WDR90: variants seen among roughly 807,000 people sequenced by gnomAD.
WDR90 encodes WD repeat-containing protein 90.
WDR90 carries 238 observed loss-of-function variants against 195.2 expected under a neutral mutation model. The ratio of observed to expected loss-of-function variants is 1.22; its 90% CI spans 1.10 to 1.36. WDR90 has a LOEUF of 1.36. Among genes scored for constraint, WDR90 ranks in the 40% most tolerant of loss-of-function variants. The probability of loss-of-function intolerance (pLI) is 0.00; values close to 1 mark genes in which losing one functional copy is unlikely to be tolerated. For synonymous variants in WDR90, 1,265 were observed against 1,052.4 expected (o/e 1.20, Z -3.91); for missense variants, 2,734 against 2,439.5 (o/e 1.12, Z -2.54).
rs1379868076 is a variant in WDR90 at position 658,995 on chromosome 16, C to T, written c.2995C>T (p.Leu999=). The change falls in exon 24 of 41, where the codon CTG becomes TTG. Residue 999 remains leucine, a synonymous_variant. Transcript: ENST00000293879. ...AGDAVFLWDV[L]APTESDQSFP... is the part of the protein sequence containing the mutation. ...GGACGCCGTCTTCCTCTGGGATGTC[C>T]TGGCCCCTACTGAGAGGCAAGTGCC... is the stretch of plus-strand genomic sequence containing the variant. 1.9e-6 allele frequency: 3 copies of T among 1,613,004 alleles called. No homozygotes were observed. Among genetic ancestry groups the T allele is most frequent in the South Asian group, 1.1e-5 (1 of 91,086 alleles).
intron 13 of WDR90, chr16:654,602 G>A (rs113799427): frequency 0.012 from 2,039 of 164,064 alleles, 54 homozygotes; most frequent in African/African-American, 0.047. Flanking sequence ...TAGCCAGGAT[G>A]GTCTCACGTT....
Position 655,789 on chromosome 16 carries a change from C to T in WDR90, c.1866C>T (p.Ile622=). The change falls in exon 17 of 41, where the codon ATC becomes ATT. Residue 622 remains isoleucine, a synonymous_variant. Transcript: ENST00000293879. ...QTFSSGPGIA[I]SSLSVSPAMC... The stretch of plus-strand genomic sequence containing the variant: ...TGCCCCCAGGCCCCGGCATTGCCAT[C>T]AGCAGCCTCAGCGTCTCCCCGGCCA... 6.3e-7 allele frequency: 1 copy of T among 1,588,704 alleles called. No individual in the cohort carries two copies. The highest frequency in any genetic ancestry group is 1.1e-5 in the South Asian group (1 of 88,000).
rs752477686 is a variant in WDR90, at chr16:655,559, G to A, written c.1719-14G>A. The A allele has an allele frequency of 8.9e-6, 14 of 1,574,606 alleles. No homozygotes were observed. The South Asian group carries it at 9.3e-5, about 10-fold the overall frequency. ...CCCTGAGGGCCTCACCTTCCCTGCC[G>A]CCTCCTCGGGCAGCTTCGTGTGCAG... is the stretch of plus-strand genomic sequence containing the variant. On this transcript the variant is annotated splice_polypyrimidine_tract_variant and intron_variant, in intron 15 of 40. Coordinates refer to ENST00000293879, the MANE Select transcript of WDR90 (RefSeq NM_145294.5).
chr16:664,083 C>CT lies in WDR90; in HGVS notation c.4311+1243dup, dbSNP rs377150996. ...GTTTGAGACAGGTGAGGGTTGTTTA[C>CT]TTTTCTGGAAGCAGGTTTGCTGAGG... is the stretch of plus-strand genomic sequence containing the variant. On this transcript the variant is annotated intron_variant, in intron 34 of 40. Coordinates refer to ENST00000293879, the MANE Select transcript of WDR90 (RefSeq NM_145294.5). Among the ~76,000 whole-genome samples, 45 of 152,316 alleles carry CT rather than the reference C, an allele frequency of 3.0e-4. 3 individuals are homozygous for CT. The South Asian group carries it at 8.3e-3, about 28-fold the overall frequency.
intron 7 of WDR90, 118 bp downstream of exon 7, chr16:651,384 G>T: frequency 7.9e-7 from 1 of 1,273,004 alleles, no homozygotes; most frequent in Admixed American, 2.0e-5. Flanking sequence ...CTGGTGCAGG[G>T]ACCCAGGGAA....
At chr16:649,876 C>T in intron 2 of WDR90, 22 bp downstream of exon 2, 1 of 1,575,616 alleles carries the variant, frequency 6.3e-7, no homozygotes, top group East Asian at 2.3e-5. Flanking sequence ...GGGGCTCGCC[C>T]GGAGCCCACA....
Position 649,858 on chromosome 16 carries a change from G to A in WDR90, c.102+4G>A. On this transcript the variant is annotated splice_donor_region_variant and intron_variant, in intron 2 of 40. Transcript: ENST00000293879. The stretch of plus-strand genomic sequence containing the variant: ...GGGGGACGTGGCCGTGGTCACGGTA[G>A]GCGGCCGGGGGCTCGCCCGGAGCCC... 1 of 1,576,538 alleles carries A rather than the reference G, an allele frequency of 6.3e-7. No homozygotes were observed. Among genetic ancestry groups the A allele is most frequent in the Non-Finnish European group, 8.6e-7 (1 of 1,161,668 alleles).
rs1179254972 is a variant in WDR90, at chr16:657,742, C to T, written c.2474-20C>T. On this transcript the variant is annotated intron_variant, in intron 20 of 40. Transcript: ENST00000293879. ...CCCGGCACTCCCCACCCAGCTGACC[C>T]CTGCCCCGTGTGGCCACAGCGGACA... 6.5e-7 allele frequency: 1 copy of T among 1,537,976 alleles called. No individual in the cohort carries two copies. The highest frequency in any genetic ancestry group is 8.8e-7 in the Non-Finnish European group (1 of 1,141,414).
At chr16:660,787 G>C in intron 28 of WDR90, 73 bp downstream of exon 28, 1 of 1,456,888 alleles carries the variant, frequency 6.9e-7, no homozygotes, top group Non-Finnish European at 9.3e-7. Flanking sequence ...TCCACCCCAA[G>C]GCCAGGACCT....
intron 3 of WDR90, 25 bp from the exon 4 acceptor site, chr16:650,229 T>G: frequency 6.2e-7 from 1 of 1,611,578 alleles, no homozygotes; most frequent in Non-Finnish European, 8.5e-7. Context: ...CCCTGTCTCC[T>G]CACGGCCCTG....
In WDR90 at chr16:658,881, C is replaced by T. The variant is rs370138277; in HGVS notation, c.2896-15C>T. The T allele has an allele frequency of 3.2e-4, 510 of 1,610,078 alleles. No homozygotes were observed. Among genetic ancestry groups the T allele is most frequent in the Middle Eastern group, 5.1e-4 (3 of 5,896 alleles). On this transcript the variant is annotated splice_polypyrimidine_tract_variant and intron_variant, in intron 23 of 40. Coordinates refer to ENST00000293879, the MANE Select transcript of WDR90 (RefSeq NM_145294.5). ...CCCCGCCTCGGGGTCCTGCATGTGA[C>T]GCCGCTACCCCTAGGTGTACATCGG...
At chr16:650,778 C>G (rs978431282) in intron 5 of WDR90, 69 bp downstream of exon 5, 1 of 1,566,348 alleles carries the variant, frequency 6.4e-7, no homozygotes, top group African/African-American at 1.4e-5. Context: ...AGGCCCAAGT[C>G]CAGGGTGCTT....
At chr16:667,271 C>T (rs552375360) in intron 40 of WDR90, among the ~76,000 whole-genome samples, 161 bp from the exon 41 acceptor site, 1 of 152,318 alleles carries the variant, frequency 6.6e-6, no homozygotes, top group Admixed American at 6.5e-5. Context: ...GTGATGGACC[C>T]CCTAGTCCCA....
At chr16:651,124 C>T (rs375807529) in intron 6 of WDR90, 21 bp downstream of exon 6, 46 of 1,593,214 alleles carry the variant, frequency 2.9e-5, no homozygotes, top group Non-Finnish European at 3.7e-5. Flanking sequence ...CTGCTTCTTT[C>T]GAGGGAGGCC....
chr16:658,350 C>T lies in WDR90; in HGVS notation c.2766+6C>T. 1 of 1,611,490 alleles carries T rather than the reference C, an allele frequency of 6.2e-7. No individual in the cohort carries two copies. Among genetic ancestry groups the T allele is most frequent in the Non-Finnish European group, 8.5e-7 (1 of 1,179,262 alleles). On this transcript the variant is annotated splice_donor_region_variant and intron_variant, in intron 22 of 40. Coordinates refer to ENST00000293879, the MANE Select transcript of WDR90 (RefSeq NM_145294.5). The stretch of plus-strand genomic sequence containing the variant: ...CGGGCCGCATCATCCGGGAGGTGAG[C>T]CTCAGGGCTGTGGCCCGCCGACCTG...
At position 662,276 on chromosome 16, in the gene WDR90, C is replaced by T. The variant is rs202134983; in HGVS notation, c.4090C>T (p.Arg1364Cys). The T allele has an allele frequency of 1.1e-5, 17 of 1,585,410 alleles. No homozygotes were observed. The East Asian group carries it at 1.4e-4, about 13-fold the overall frequency. The change falls in exon 33 of 41, where the codon CGC (arginine) becomes TGC (cysteine). Residue 1364 changes from arginine (R) to cysteine (C), a missense_variant. Arg to Cys is a radical substitution (Grantham distance 180, BLOSUM62 -3). Transcript: ENST00000293879. ...LVSGSSTGRL[R>C]LWAVGAVSEL... ...CAGCGGCAGCAGCACGGGGCGGCTG[C>T]GCCTGTGGGCCGTGGGGGCTGTGTC... is the stretch of plus-strand genomic sequence containing the variant.
At chr16:652,280 C>G (rs1220783035) in intron 9 of WDR90, 187 bp from the exon 10 acceptor site, 58 of 817,244 alleles carry the variant, frequency 7.1e-5, no homozygotes, top group Non-Finnish European at 7.5e-6. Flanking sequence ...GGGGGACCCT[C>G]GAAGGTCTGG....
Position 657,099 on chromosome 16 carries a change from G to A in WDR90, c.2351G>A (p.Arg784Gln), listed in dbSNP as rs199932886. Residue 784 changes from arginine to glutamine, a missense_variant, in exon 20 of 41, where the codon CGA becomes CAA. Coordinates refer to ENST00000293879, the MANE Select transcript of WDR90 (RefSeq NM_145294.5). ...CCCTGTGTGTGCTGCAGGTGCCACC[G>A]AGGAGCTGTCACCGGCCTGACCGCC... ...AEVLVEHTCH[R>Q]GAVTGLTATP... is the part of the protein sequence containing the mutation. 2,905 of 1,596,570 alleles carry A rather than the reference G, an allele frequency of 1.8e-3. 2 individuals carry two copies. Among genetic ancestry groups the A allele is most frequent in the Non-Finnish European group, 2.2e-3 (2,620 of 1,174,708 alleles).
At chr16:667,376 G>A (rs2038120184) in intron 40 of WDR90, 56 bp from the exon 41 acceptor site, 1 of 1,547,434 alleles carries the variant, frequency 6.5e-7, no homozygotes, top group Non-Finnish European at 8.7e-7. Context: ...GGTTGGGGGA[G>A]CCCTCTGAGT....
Sources: allele counts gnomAD v4.1 joint callset (sites outside exome capture counted in the v4.1 genomes callset), GRCh38; gene constraint gnomAD v4.1.1; transcripts MANE v1.5; gene names NCBI Gene and HGNC (gene_info 2026-07-23, HGNC 2026-07-21).